NCKAP5: variants seen among roughly 807,000 people sequenced by gnomAD.
The protein encoded by NCKAP5 is nck-associated protein 5.
NCKAP5 carries 92 observed loss-of-function variants against 167.0 expected under a neutral mutation model. The observed-to-expected ratio is 0.55, with a 90% CI of 0.47 to 0.66. NCKAP5 has a LOEUF of 0.66. Among genes scored for constraint, NCKAP5 ranks in the 30% least tolerant of loss-of-function variants. The probability of loss-of-function intolerance (pLI) is 0.00; values close to 1 mark genes in which losing one functional copy is unlikely to be tolerated. For synonymous variants in NCKAP5, 891 were observed against 877.4 expected (o/e 1.02, Z -0.27); for missense variants, 2,378 against 2,315.0 (o/e 1.03, Z -0.56).
At chr2:133,546,636 G>T (rs889965860) in intron 2 of NCKAP5, among the ~76,000 whole-genome samples, 1 of 152,060 alleles carries the variant, frequency 6.6e-6, no homozygotes, top group African/African-American at 2.4e-5. Flanking sequence ...CCTAGAATAT[G>T]CCTGTTCCCA....
intron 15 of NCKAP5, among the ~76,000 whole-genome samples, chr2:132,777,723 T>C (rs1410620227): frequency 6.6e-6 from 1 of 152,170 alleles, no homozygotes; most frequent in Non-Finnish European, 1.5e-5. Flanking sequence ...GATGTTAAAA[T>C]TGTAACATTT....
At chr2:133,319,950 C>T (rs1384293792) in intron 3 of NCKAP5, among the ~76,000 whole-genome samples, 1 of 152,140 alleles carries the variant, frequency 6.6e-6, no homozygotes, top group Admixed American at 6.5e-5. Context: ...GACTGAAAGA[C>T]TGCAAATTGA....
intron 4 of NCKAP5, among the ~76,000 whole-genome samples, chr2:133,285,475 C>T (rs915851646): frequency 1.3e-5 from 2 of 151,830 alleles, no homozygotes; most frequent in Admixed American, 6.6e-5. Flanking sequence ...GAAAAATAAA[C>T]TCTCTTGCTA....
At chr2:133,141,373 T>C (rs953331000) in intron 5 of NCKAP5, among the ~76,000 whole-genome samples, 1 of 152,046 alleles carries the variant, frequency 6.6e-6, no homozygotes, top group Non-Finnish European at 1.5e-5. Context: ...ACCGTTCTTT[T>C]TGTTCGCCCT....
intron 2 of NCKAP5, among the ~76,000 whole-genome samples, chr2:133,532,196 G>A (rs1379691473): frequency 6.6e-6 from 1 of 152,132 alleles, no homozygotes; most frequent in Non-Finnish European, 1.5e-5. Flanking sequence ...AAATACTTTA[G>A]GAATCCTATT....
At chr2:133,169,727 G>A (rs1429382504) in intron 5 of NCKAP5, among the ~76,000 whole-genome samples, 3 of 152,192 alleles carry the variant, frequency 2.0e-5, no homozygotes, top group Admixed American at 6.5e-5. Context: ...AGAGTGCTAC[G>A]CAGAGCAGTA....
intron 3 of NCKAP5, among the ~76,000 whole-genome samples, chr2:133,369,273 C>T (rs1685648975): frequency 6.6e-6 from 1 of 152,102 alleles, no homozygotes. Flanking sequence ...AGGTGCAGAA[C>T]TATCGAAGCA....
At chr2:132,838,953 G>T (rs1688095781) in intron 11 of NCKAP5, among the ~76,000 whole-genome samples, 1 of 152,150 alleles carries the variant, frequency 6.6e-6, no homozygotes, top group South Asian at 2.1e-4. Context: ...GCCTTTTCCT[G>T]AATACTAGTG....
At chr2:133,368,520 A>G (rs1685594147) in intron 3 of NCKAP5, among the ~76,000 whole-genome samples, 1 of 152,248 alleles carries the variant, frequency 6.6e-6, no homozygotes, top group South Asian at 2.1e-4. Context: ...TTAGCGGTTC[A>G]CATGTAATTT....
chr2:133,351,383 T>G (rs1036426503), intron 3 of NCKAP5, among the ~76,000 whole-genome samples: 3 of 122,038 alleles, frequency 2.5e-5, no homozygotes, highest in African/African-American at 8.0e-5. Context: ...TAATATAACT[T>G]CTTTGAGCCT....
chr2:132,979,996 CTTTT>C (rs1273323851), intron 7 of NCKAP5, among the ~76,000 whole-genome samples: 1 of 134,672 alleles, frequency 7.4e-6, no homozygotes, highest in Non-Finnish European at 1.6e-5. Flanking sequence ...TTTTCTTTTT[CTTTT>C]TTTTTTTTTT....
In NCKAP5 at chr2:132,810,359, A is replaced by G. The variant is rs558816648; in HGVS notation, c.808-13630T>C. On this transcript the variant is annotated intron_variant, in intron 11 of 19. Transcript: ENST00000409261. ...AAAGTTTTCCTGGATTATTCCCCCAAATATGTTTTCCAAGCTTTTAGAATT... is the reference window on the plus strand; with the variant it reads ...AAAGTTTTCCTGGATTATTCCCCCAGATATGTTTTCCAAGCTTTTAGAATT... Among the ~76,000 whole-genome samples the G allele has an allele frequency of 1.4e-3, 215 of 152,282 alleles. 1 individual carries two copies. Among genetic ancestry groups the G allele is most frequent in the African/African-American group, 4.9e-3 (204 of 41,564 alleles).
At chr2:133,208,199 C>T (rs2086046157) in intron 5 of NCKAP5, among the ~76,000 whole-genome samples, 1 of 152,012 alleles carries the variant, frequency 6.6e-6, no homozygotes, top group African/African-American at 2.4e-5. Context: ...ATTATCTGGG[C>T]ATGGTGGTTT....
intron 3 of NCKAP5, among the ~76,000 whole-genome samples, chr2:133,511,668 C>T (rs907119613): frequency 6.6e-6 from 1 of 152,220 alleles, no homozygotes; most frequent in African/African-American, 2.4e-5. Context: ...TCTTCTGATA[C>T]CTGGCTCAGG....
intron 5 of NCKAP5, among the ~76,000 whole-genome samples, chr2:133,196,050 G>T (rs1574342850): frequency 6.6e-6 from 1 of 152,086 alleles, no homozygotes; most frequent in South Asian, 2.1e-4. Flanking sequence ...AGAAGAGAAG[G>T]CTGCCATTAA....
chr2:133,054,781 C>T (rs537026655), intron 6 of NCKAP5, among the ~76,000 whole-genome samples: 1 of 152,168 alleles, frequency 6.6e-6, no homozygotes, highest in Non-Finnish European at 1.5e-5. Flanking sequence ...TTGAAATTTT[C>T]TTGGCAATCA....
Position 133,168,589 on chromosome 2 carries a change from G to A in NCKAP5, c.208-38478C>T, listed in dbSNP as rs115221047. 2.3e-3 allele frequency among the ~76,000 whole-genome samples: 353 copies of A among 152,074 alleles called. 4 individuals carry two copies. The highest frequency in any genetic ancestry group is 7.9e-3 in the African/African-American group (327 of 41,496). ...TTCTAGAGAGCCCACCTCCTCTTTC[G>A]AGTCAGTAGAGAGTCACTGAGTTCA... On this transcript the variant is annotated intron_variant, in intron 5 of 19. Transcript: ENST00000409261.
chr2:133,232,048 C>A (rs2150252304), intron 4 of NCKAP5, among the ~76,000 whole-genome samples: 1 of 152,322 alleles, frequency 6.6e-6, no homozygotes, highest in African/African-American at 2.4e-5. Flanking sequence ...CATTCTCGAT[C>A]ACAAAAGCTG....
chr2:133,177,883 G>T (rs765211818), intron 5 of NCKAP5, among the ~76,000 whole-genome samples: 1 of 152,228 alleles, frequency 6.6e-6, no homozygotes, highest in Non-Finnish European at 1.5e-5. Flanking sequence ...CGTTGGGGTG[G>T]TGTGAGAGGA....
Sources: gnomAD v4.1 joint callset for allele counts (sites outside exome capture counted in the v4.1 genomes callset) on GRCh38, gnomAD v4.1.1 for gene constraint, MANE v1.5 for transcripts, NCBI Gene and HGNC (gene_info 2026-07-23, HGNC 2026-07-21) for gene names.